Variants in B3GALT1 observed in about 807,000 individuals in gnomAD.
The protein encoded by B3GALT1 is beta-1,3-galactosyltransferase 1.
B3GALT1 carries 10 observed loss-of-function variants against 23.2 expected under a neutral mutation model. That is an observed-to-expected ratio of 0.43 (90% CI 0.27 to 0.73). B3GALT1 has a LOEUF of 0.73. Among genes scored for constraint, B3GALT1 ranks in the 30% least tolerant of loss-of-function variants. The probability of loss-of-function intolerance (pLI) is 0.21; values close to 1 mark genes in which losing one functional copy is unlikely to be tolerated. For synonymous variants in B3GALT1, 156 were observed against 141.5 expected (o/e 1.10, Z -0.73); for missense variants, 299 against 405.4 (o/e 0.74, Z 2.25).
At chr2:167,548,525 T>C (rs1048293236) in intron 2 of B3GALT1, among the ~76,000 whole-genome samples, 6 of 152,144 alleles carry the variant, frequency 3.9e-5, no homozygotes, top group African/African-American at 1.4e-4. Flanking sequence ...TTTTCCTCCC[T>C]CCTGCTGCCT....
chr2:167,495,209 A>G (rs1699764886), intron 2 of B3GALT1, among the ~76,000 whole-genome samples: 1 of 152,242 alleles, frequency 6.6e-6, no homozygotes, highest in South Asian at 2.1e-4. Context: ...CAAAAGCTTC[A>G]TCATCATTTA....
chr2:167,584,751 G>A (rs1001229848), intron 2 of B3GALT1, among the ~76,000 whole-genome samples: 2 of 152,098 alleles, frequency 1.3e-5, no homozygotes, highest in South Asian at 4.1e-4. Flanking sequence ...TTTTCTACCC[G>A]GTTGACTAAA....
At chr2:167,833,861 C>T (rs1309192436) in intron 4 of B3GALT1, among the ~76,000 whole-genome samples, 1 of 152,148 alleles carries the variant, frequency 6.6e-6, no homozygotes, top group Admixed American at 6.5e-5. Flanking sequence ...TCCTAAGATA[C>T]ATCTGTATCT....
intron 2 of B3GALT1, among the ~76,000 whole-genome samples, chr2:167,627,449 T>C (rs1685367485): frequency 6.6e-6 from 1 of 151,742 alleles, no homozygotes; most frequent in Non-Finnish European, 1.5e-5. Context: ...GTCTGGCATA[T>C]TTCTTCTAGC....
intron 4 of B3GALT1, among the ~76,000 whole-genome samples, chr2:167,865,695 G>A (rs1410809819): frequency 6.6e-5 from 10 of 152,206 alleles, no homozygotes. Flanking sequence ...GGGAGGCTGA[G>A]GCAGGAGAAT....
At chr2:167,809,533 G>A (rs1425174912) in intron 3 of B3GALT1, among the ~76,000 whole-genome samples, 1 of 152,226 alleles carries the variant, frequency 6.6e-6, no homozygotes, top group Non-Finnish European at 1.5e-5. Flanking sequence ...GTCTGTTAGA[G>A]TTTGCTGGAG....
intron 2 of B3GALT1, among the ~76,000 whole-genome samples, chr2:167,546,382 G>A (rs1461837113): frequency 6.6e-6 from 1 of 152,174 alleles, no homozygotes; most frequent in Admixed American, 6.5e-5. Context: ...TCCTCCCAGA[G>A]TTTTAGGAAA....
intron 2 of B3GALT1, among the ~76,000 whole-genome samples, chr2:167,510,232 G>A (rs188710103): frequency 1.1e-4 from 17 of 152,170 alleles, no homozygotes; most frequent in African/African-American, 3.6e-4. Flanking sequence ...TCATGTATGA[G>A]GACATGCTCT....
intron 1 of B3GALT1, among the ~76,000 whole-genome samples, chr2:167,387,056 G>A (rs73021730): frequency 0.02 from 3,080 of 152,144 alleles, 109 homozygotes; most frequent in African/African-American, 0.071. Flanking sequence ...AAACTGCCTT[G>A]GAAACCAGTG....
chr2:167,592,774 G>A (rs769093239), intron 2 of B3GALT1, among the ~76,000 whole-genome samples: 7 of 152,288 alleles, frequency 4.6e-5, no homozygotes, highest in Non-Finnish European at 5.9e-5. Context: ...GGCTTGAGGG[G>A]AGGAGCATGG....
At chr2:167,627,066 C>T (rs900521810) in intron 2 of B3GALT1, among the ~76,000 whole-genome samples, 1 of 151,650 alleles carries the variant, frequency 6.6e-6, no homozygotes, top group Admixed American at 6.6e-5. Context: ...ATTTTATTTC[C>T]AGTGCCCAGC....
intron 1 of B3GALT1, among the ~76,000 whole-genome samples, chr2:167,456,656 T>C (rs1190908256): frequency 2.0e-5 from 3 of 152,174 alleles, no homozygotes; most frequent in Non-Finnish European, 4.4e-5. Flanking sequence ...GATAATTTTC[T>C]AGAACAGCTC....
At chr2:167,766,044 T>A (rs1248048788) in intron 3 of B3GALT1, among the ~76,000 whole-genome samples, 1 of 152,208 alleles carries the variant, frequency 6.6e-6, no homozygotes, top group East Asian at 1.9e-4. Flanking sequence ...TCCAGACACA[T>A]ACATAAATTT....
chr2:167,605,468 C>G (rs1243403172), intron 2 of B3GALT1, among the ~76,000 whole-genome samples: 1 of 95,988 alleles, frequency 1.0e-5, no homozygotes, highest in Admixed American at 1.4e-4. Context: ...CGATTGTCAC[C>G]TGAGGGCTCA....
intron 1 of B3GALT1, among the ~76,000 whole-genome samples, chr2:167,471,770 A>G (rs1699420768): frequency 6.6e-6 from 1 of 152,200 alleles, no homozygotes; most frequent in African/African-American, 2.4e-5. Flanking sequence ...AGGAGTGATG[A>G]TACCTTAAAT....
At chr2:167,808,197 T>G (rs1688801041) in intron 3 of B3GALT1, among the ~76,000 whole-genome samples, 1 of 150,794 alleles carries the variant, frequency 6.6e-6, no homozygotes, top group Non-Finnish European at 1.5e-5. Context: ...TATGTGTGTC[T>G]CTGCACGTGA....
At chr2:167,295,768 C>CGTGT (rs57375833) in intron 1 of B3GALT1, among the ~76,000 whole-genome samples, 1,719 of 143,438 alleles carry the variant, frequency 0.012, 23 homozygotes, top group South Asian at 0.029. Context: ...TGTGTGTGTA[C>CGTGT]GTGTGTGTGT....
At chr2:167,783,898 G>A (rs1004367) in intron 3 of B3GALT1, among the ~76,000 whole-genome samples, 90,230 of 151,910 alleles carry the variant, frequency 0.59, 27,068 homozygotes, top group Admixed American at 0.71. Flanking sequence ...ACCTCTGGGG[G>A]AATCCAGGGC....
chr2:167,791,950 T>C (rs1313010423), intron 3 of B3GALT1, among the ~76,000 whole-genome samples: 2 of 152,110 alleles, frequency 1.3e-5, no homozygotes, highest in Non-Finnish European at 2.9e-5. Flanking sequence ...CAGTAACTAC[T>C]TCTTTATGGA....
Sources: allele counts gnomAD v4.1 joint callset (sites outside exome capture counted in the v4.1 genomes callset), GRCh38; gene constraint gnomAD v4.1.1; transcripts MANE v1.5; gene names NCBI Gene and HGNC (gene_info 2026-07-23, HGNC 2026-07-21).